NFIB: variants seen among roughly 807,000 people sequenced by gnomAD.
The protein encoded by NFIB is nuclear factor 1 B-type.
In NFIB, 11 loss-of-function variants were observed where a neutral mutation model predicts 61.5. That is an observed-to-expected ratio of 0.18 (90% CI 0.11 to 0.30). NFIB has a LOEUF of 0.30. Among genes scored for constraint, NFIB ranks in the 10% least tolerant of loss-of-function variants. The pLI, the probability that NFIB is intolerant of heterozygous loss-of-function variation, is 1.00. For missense variants in NFIB, 471 were observed against 608.9 expected, an observed-to-expected ratio of 0.77 and a Z score of 2.38; for synonymous variants, 260 against 216.5, an observed-to-expected ratio of 1.20 and a Z score of -1.76.
intron 9 of NFIB, 99 bp from the exon 10 acceptor site, chr9:14,113,180 C>CAA (rs954550265): frequency 2.5e-4 from 179 of 728,012 alleles, no homozygotes; most frequent in South Asian, 4.5e-4. Flanking sequence ...GATTTGCAAC[C>CAA]AAAAAAAAAA....
At chr9:14,389,213 T>A (rs898046456) in intron 1 of NFIB, among the ~76,000 whole-genome samples, 4 of 152,222 alleles carry the variant, frequency 2.6e-5, no homozygotes, top group Non-Finnish European at 5.9e-5. Context: ...AGAACTTTCC[T>A]TCTGTCACAA....
chr9:14,338,756 C>T (rs1336403721), intron 1 of NFIB, among the ~76,000 whole-genome samples: 1 of 151,848 alleles, frequency 6.6e-6, no homozygotes, highest in African/African-American at 2.4e-5. Context: ...TTCCCTCATT[C>T]TTGTTTCTTT....
chr9:14,165,192 A>C (rs1299156261), intron 3 of NFIB, among the ~76,000 whole-genome samples: 6 of 152,148 alleles, frequency 3.9e-5, no homozygotes, highest in Admixed American at 3.9e-4. Context: ...TCCTTTATCT[A>C]GTCTTTAGGT....
At chr9:14,210,348 G>C (rs148691947) in intron 2 of NFIB, among the ~76,000 whole-genome samples, 370 of 152,022 alleles carry the variant, frequency 2.4e-3, no homozygotes, top group Non-Finnish European at 4.4e-3. Flanking sequence ...CCACTCTAGA[G>C]ATAAAAGTTC....
At chr9:14,196,460 G>A (rs2048478237) in intron 2 of NFIB, among the ~76,000 whole-genome samples, 1 of 152,040 alleles carries the variant, frequency 6.6e-6, no homozygotes, top group African/African-American at 2.4e-5. Flanking sequence ...CCTGTTTAAG[G>A]GAGGGAATGC....
At chr9:14,215,134 T>TCCTCGCTTATTCTAAA (rs2050721196) in intron 2 of NFIB, among the ~76,000 whole-genome samples, 4 of 151,260 alleles carry the variant, frequency 2.6e-5, no homozygotes, top group African/African-American at 7.4e-5. Flanking sequence ...AGCTCAACAA[T>TCCTCGCTTATTCTAAA]TGGGTGCTTA....
At chr9:14,318,500 G>A (rs2060590758), upstream of NFIB, among the ~76,000 whole-genome samples, 1 of 133,614 alleles carries the variant, frequency 7.5e-6, no homozygotes, top group Non-Finnish European at 1.6e-5. Context: ...CAATACACTC[G>A]ATGCCTTTTT....
chr9:14,224,685 C>T (rs1250437767), intron 2 of NFIB, among the ~76,000 whole-genome samples: 1 of 152,200 alleles, frequency 6.6e-6, no homozygotes, highest in Admixed American at 6.5e-5. Flanking sequence ...CATACAAATA[C>T]TATGCCATTT....
the NFIB span, among the ~76,000 whole-genome samples, chr9:14,503,088 G>GTATATATATA: frequency 2.7e-5 from 4 of 147,370 alleles, no homozygotes; most frequent in African/African-American, 7.5e-5. Context: ...GTATTTTATG[G>GTATATATATA]TATATATATA....
the NFIB span, among the ~76,000 whole-genome samples, chr9:14,481,230 T>TATATATATATATAC: frequency 8.2e-6 from 1 of 121,992 alleles, no homozygotes; most frequent in Non-Finnish European, 1.7e-5. Flanking sequence ...TATATATATA[T>TATATATATATATAC]ATGTAGCTTA....
chr9:14,421,136 T>C, the NFIB span, among the ~76,000 whole-genome samples: 2 of 151,786 alleles, frequency 1.3e-5, no homozygotes, highest in African/African-American at 2.4e-5. Context: ...GTAGCATTCA[T>C]AAAGAGACAA....
In NFIB at chr9:14,082,785, G is replaced by GA. The variant is rs960514516; in HGVS notation, c.*5523dup. 65 of 165,532 alleles carry GA rather than the reference G, an allele frequency of 3.9e-4. No individual in the cohort carries two copies. The highest frequency in any genetic ancestry group is 5.7e-4 in the East Asian group (6 of 10,618). The allele number at this position is 165,532 out of a possible 1,614,324, so 10.3% of individuals were successfully genotyped here. A position where few individuals can be genotyped will look rare whatever the true frequency, so the allele number is the denominator to read the frequency against. On this transcript the variant is annotated 3_prime_UTR_variant, in exon 11 of 11. Coordinates refer to ENST00000380953, the MANE Select transcript of NFIB (RefSeq NM_001190737.2). ...CCATACTTCTTAAAAAAAAAAAAAAGAAAAAAAAAGACTTCCTTCTGCATA... is the reference window on the plus strand; with the variant it reads ...CCATACTTCTTAAAAAAAAAAAAAAGAAAAAAAAAAGACTTCCTTCTGCATA...
chr9:14,439,819 G>A, the NFIB span, among the ~76,000 whole-genome samples: 8 of 152,190 alleles, frequency 5.3e-5, no homozygotes, highest in African/African-American at 1.2e-4. Flanking sequence ...GCAAAAACAC[G>A]GTGTAAGGGT....
At chr9:14,466,584 G>A in the NFIB span, among the ~76,000 whole-genome samples, 12 of 152,260 alleles carry the variant, frequency 7.9e-5, no homozygotes, top group South Asian at 4.2e-4. Context: ...AGGAGCTCCC[G>A]TCTGTCAGCC....
chr9:14,435,426 C>G, the NFIB span, among the ~76,000 whole-genome samples: 4 of 152,218 alleles, frequency 2.6e-5, no homozygotes, highest in African/African-American at 9.6e-5. Flanking sequence ...GGCTCTATCA[C>G]TTACTAACTG....
intron 2 of NFIB, among the ~76,000 whole-genome samples, chr9:14,263,798 A>C (rs1382805504): frequency 6.6e-6 from 1 of 152,234 alleles, no homozygotes; most frequent in African/African-American, 2.4e-5. Context: ...AATAAAAGTG[A>C]AAGTATATGG....
the NFIB span, among the ~76,000 whole-genome samples, chr9:14,404,812 A>C: frequency 6.6e-6 from 1 of 152,190 alleles, no homozygotes; most frequent in Non-Finnish European, 1.5e-5. Flanking sequence ...AAGGGGCAGC[A>C]ACATAATGAC....
At chr9:14,189,126 T>C (rs1293774970) in intron 2 of NFIB, among the ~76,000 whole-genome samples, 1 of 152,118 alleles carries the variant, frequency 6.6e-6, no homozygotes, top group Non-Finnish European at 1.5e-5. Context: ...TATCCTGGAG[T>C]CTTCACGCAT....
intron 2 of NFIB, among the ~76,000 whole-genome samples, chr9:14,230,447 T>C (rs1194763765): frequency 6.6e-6 from 1 of 152,174 alleles, no homozygotes; most frequent in African/African-American, 2.4e-5. Flanking sequence ...GCTAACAGAA[T>C]GGAATGTCAA....
Sources: allele counts gnomAD v4.1 joint callset (sites outside exome capture counted in the v4.1 genomes callset), GRCh38; gene constraint gnomAD v4.1.1; transcripts MANE v1.5; gene names NCBI Gene and HGNC (gene_info 2026-07-23, HGNC 2026-07-21).